The following SIL1 variants were observed in gnomAD, a reference collection of about 807,000 sequenced individuals.
SIL1 encodes the protein SIL1 nucleotide exchange factor.
Under a neutral mutation model 49.1 loss-of-function variants are expected in SIL1, and 40 were observed. The observed-to-expected ratio is 0.81, with a 90% CI of 0.63 to 1.06. SIL1 has a LOEUF of 1.06. SIL1 is among the 50% of genes least tolerant of loss of function. The pLI, the probability that SIL1 is intolerant of heterozygous loss-of-function variation, is 0.00. For synonymous variants in SIL1, 253 were observed against 250.8 expected, an observed-to-expected ratio of 1.01 and a Z score of -0.08; for missense variants, 500 against 572.6, an observed-to-expected ratio of 0.87 and a Z score of 1.29.
intron 7 of SIL1, among the ~76,000 whole-genome samples, chr5:138,979,429 C>T (rs1767467581): frequency 6.6e-6 from 1 of 152,196 alleles, no homozygotes; most frequent in Non-Finnish European, 1.5e-5. Context: ...TAAAAAGAAA[C>T]ACCTATCTGT....
chr5:139,005,595 C>T (rs1184325175), intron 7 of SIL1, among the ~76,000 whole-genome samples: 22 of 100,300 alleles, frequency 2.2e-4, no homozygotes, highest in South Asian at 1.8e-3. Context: ...AATGCTATCC[C>T]TCCCCCCTCC....
At chr5:139,055,622 C>G (rs71587287) in intron 3 of SIL1, among the ~76,000 whole-genome samples, 3 of 100,226 alleles carry the variant, frequency 3.0e-5, no homozygotes, top group African/African-American at 4.9e-5. Flanking sequence ...CCCTCTCCCC[C>G]TCTCCCCCTC....
At chr5:139,031,649 T>G (rs1470214846) in intron 5 of SIL1, among the ~76,000 whole-genome samples, 3 of 152,230 alleles carry the variant, frequency 2.0e-5, no homozygotes, top group Non-Finnish European at 4.4e-5. Flanking sequence ...AAAATCCTGC[T>G]GAAATTTTGA....
At chr5:139,097,514 G>A (rs1298055048) in intron 3 of SIL1, among the ~76,000 whole-genome samples, 3 of 145,236 alleles carry the variant, frequency 2.1e-5, no homozygotes, top group Non-Finnish European at 3.0e-5. Flanking sequence ...ACTTCTCACC[G>A]TCACCCAGGC....
At chr5:138,972,952 T>A (rs1767313639) in intron 7 of SIL1, among the ~76,000 whole-genome samples, 1 of 152,058 alleles carries the variant, frequency 6.6e-6, no homozygotes, top group Admixed American at 6.5e-5. Flanking sequence ...AACCCAGGGC[T>A]GAGGCCCCAG....
intron 1 of SIL1, chr5:139,131,456 G>A (rs1750860822): frequency 6.6e-6 from 1 of 152,044 alleles, no homozygotes; most frequent in Non-Finnish European, 1.5e-5. Flanking sequence ...TTTCCCTAAG[G>A]ACATCTGCAG....
At chr5:139,021,323 A>T in intron 6 of SIL1, 31 bp from the exon 7 acceptor site, 6 of 1,613,532 alleles carry the variant, frequency 3.7e-6, no homozygotes, top group Non-Finnish European at 5.1e-6. Context: ...AGTACAGCAT[A>T]GCCATCAGGG....
At chr5:139,090,083 T>G (rs10053107) in intron 3 of SIL1, among the ~76,000 whole-genome samples, 14,696 of 151,952 alleles carry the variant, frequency 0.097, 1,622 homozygotes, top group African/African-American at 0.27. Flanking sequence ...TGTCTAGACC[T>G]CCTTACCCGC....
chr5:139,098,783 A>G (rs968926214), intron 3 of SIL1, among the ~76,000 whole-genome samples: 1 of 151,380 alleles, frequency 6.6e-6, no homozygotes, highest in Non-Finnish European at 1.5e-5. Flanking sequence ...AAAATGTGCA[A>G]AAGATTTGAA....
intron 1 of SIL1, among the ~76,000 whole-genome samples, chr5:139,189,265 TC>T (rs1279843433): frequency 6.6e-6 from 1 of 152,152 alleles, no homozygotes; most frequent in Non-Finnish European, 1.5e-5. Flanking sequence ...TTACAGCTGC[TC>T]CCCAACGCTT....
chr5:138,963,499 C>T (rs963561273), intron 7 of SIL1, among the ~76,000 whole-genome samples: 4 of 152,172 alleles, frequency 2.6e-5, no homozygotes, highest in Admixed American at 6.5e-5. Context: ...AGGCAATGAT[C>T]GTAGGACGGT....
At chr5:139,074,928 G>A (rs957233958) in intron 3 of SIL1, among the ~76,000 whole-genome samples, 3 of 152,032 alleles carry the variant, frequency 2.0e-5, no homozygotes, top group Non-Finnish European at 4.4e-5. Context: ...GGATTCAAGC[G>A]ATTCTCCTGC....
At chr5:139,021,409 A>C (rs1258288831) in intron 6 of SIL1, 117 bp from the exon 7 acceptor site, 1 of 1,462,544 alleles carries the variant, frequency 6.8e-7, no homozygotes, top group East Asian at 2.5e-5. Context: ...AAAAATCAAT[A>C]ATGGCCTTTT....
At chr5:139,193,434 G>T (rs1752211237) in intron 1 of SIL1, among the ~76,000 whole-genome samples, 1 of 152,050 alleles carries the variant, frequency 6.6e-6, no homozygotes, top group Admixed American at 6.6e-5. Flanking sequence ...TGGGCATGGT[G>T]GTGGGCGCCT....
chr5:139,150,550 A>G (rs1192968396), intron 1 of SIL1, among the ~76,000 whole-genome samples: 1 of 152,100 alleles, frequency 6.6e-6, no homozygotes, highest in Non-Finnish European at 1.5e-5. Context: ...CTGTCAATCA[A>G]GCCAGACCCA....
At chr5:139,037,974 T>G (rs1188353414) in intron 5 of SIL1, among the ~76,000 whole-genome samples, 11 of 152,148 alleles carry the variant, frequency 7.2e-5, no homozygotes, top group African/African-American at 2.7e-4. Flanking sequence ...CTGGTGAGGG[T>G]CCCCTTTCTG....
intron 1 of SIL1, among the ~76,000 whole-genome samples, chr5:139,155,728 T>C (rs1291133389): frequency 7.1e-6 from 1 of 140,700 alleles, no homozygotes; most frequent in Non-Finnish European, 1.5e-5. Flanking sequence ...GAAGACTGGG[T>C]AAGAGGGTGG....
At chr5:139,123,408 G>T (rs1750687977) in intron 2 of SIL1, among the ~76,000 whole-genome samples, 1 of 152,158 alleles carries the variant, frequency 6.6e-6, no homozygotes, top group African/African-American at 2.4e-5. Flanking sequence ...GGCTTAGTTT[G>T]AAGCTGCTGA....
chr5:139,171,698 AAAAAAAAATAAAAAG>A (rs1243730578), intron 1 of SIL1, among the ~76,000 whole-genome samples: 8 of 150,888 alleles, frequency 5.3e-5, no homozygotes, highest in Admixed American at 4.0e-4. Context: ...AATGATCAAT[AAAAAAAAATAAAAAG>A]AAAAAAAATA....
Sources: gnomAD v4.1 joint callset for allele counts (sites outside exome capture counted in the v4.1 genomes callset) on GRCh38, gnomAD v4.1.1 for gene constraint, MANE v1.5 for transcripts, NCBI Gene and HGNC (gene_info 2026-07-23, HGNC 2026-07-21) for gene names.